AAK1: variants seen among roughly 807,000 people sequenced by gnomAD.
The protein encoded by AAK1 is AP2-associated protein kinase 1.
AAK1 carries 37 observed loss-of-function variants against 116.0 expected under a neutral mutation model. That is an observed-to-expected ratio of 0.32 (90% confidence interval 0.25 to 0.42). The LOEUF (loss-of-function observed/expected upper bound fraction) is 0.42. Among genes scored for constraint, AAK1 ranks in the 10% least tolerant of loss-of-function variants. AAK1 has a pLI of 1.00. For synonymous variants in AAK1, 458 were observed against 439.9 expected, an observed-to-expected ratio of 1.04 and a Z score of -0.51; for missense variants, 919 against 1,170.6, an observed-to-expected ratio of 0.79 and a Z score of 3.14.
chr2:69,623,354 C>T lies in AAK1; in HGVS notation c.163+19524G>A, dbSNP rs547779130. Among the ~76,000 whole-genome samples the T allele has an allele frequency of 5.9e-5, 9 of 152,348 alleles. No individual in the cohort carries two copies. In the South Asian group the frequency reaches 1.7e-3, roughly 28 times the overall value. ...TTACGACTGCCAAAATATTCCTAGT[C>T]TGCACTTCTCTCTGTTCCTGTCACC... On this transcript the variant is annotated intron_variant, in intron 2 of 21. Coordinates refer to ENST00000409085, the MANE Select transcript of AAK1 (RefSeq NM_014911.5).
chr2:69,619,890 G>A (rs1674514710), intron 2 of AAK1, among the ~76,000 whole-genome samples: 1 of 152,176 alleles, frequency 6.6e-6, no homozygotes, highest in Non-Finnish European at 1.5e-5. Flanking sequence ...AAATAAGAAT[G>A]CAGAGAGGAA....
chr2:69,532,291 T>A (rs887699416), intron 5 of AAK1, 129 bp from the exon 6 acceptor site: 50 of 1,130,070 alleles, frequency 4.4e-5, no homozygotes, highest in South Asian at 4.0e-4. Flanking sequence ...GGGAAGTTAT[T>A]CCTCTCCAAG....
chr2:69,503,335 T>C (rs1442200805), intron 16 of AAK1, among the ~76,000 whole-genome samples: 2 of 152,208 alleles, frequency 1.3e-5, no homozygotes, highest in African/African-American at 4.8e-5. Context: ...ATCAGTATAA[T>C]TAAAAAGATC....
intron 10 of AAK1, 88 bp from the exon 11 acceptor site, chr2:69,521,076 T>C (rs1572920108): frequency 1.4e-6 from 2 of 1,435,780 alleles, no homozygotes. Context: ...CGCTTCCACA[T>C]CGACCCAAAC....
At chr2:69,528,135 G>A (rs1410238943) in intron 8 of AAK1, among the ~76,000 whole-genome samples, 1 of 152,212 alleles carries the variant, frequency 6.6e-6, no homozygotes, top group East Asian at 1.9e-4. Context: ...TAAGAGAACA[G>A]TCTGAGCAAA....
chr2:69,618,949 AT>A (rs1393307229), intron 2 of AAK1, among the ~76,000 whole-genome samples: 1 of 151,536 alleles, frequency 6.6e-6, no homozygotes, highest in African/African-American at 2.4e-5. Flanking sequence ...TGACTCTTCC[AT>A]TTTCTTTCAA....
chr2:69,637,342 T>TA (rs1311528981), intron 2 of AAK1, among the ~76,000 whole-genome samples: 1 of 152,204 alleles, frequency 6.6e-6, no homozygotes, highest in East Asian at 1.9e-4. Context: ...TTTGCTCACA[T>TA]ATCTGAAATC....
chr2:69,484,664 C>T (rs1416100050), intron 17 of AAK1, among the ~76,000 whole-genome samples: 3 of 151,992 alleles, frequency 2.0e-5, no homozygotes, highest in Non-Finnish European at 4.4e-5. Flanking sequence ...TGTGGTAGTG[C>T]ATGCCTATAG....
At chr2:69,561,461 T>C (rs895190249) in intron 2 of AAK1, among the ~76,000 whole-genome samples, 2 of 152,226 alleles carry the variant, frequency 1.3e-5, no homozygotes, top group African/African-American at 4.8e-5. Context: ...CTGAATAAGG[T>C]AGGCGAGCAA....
intron 2 of AAK1, among the ~76,000 whole-genome samples, chr2:69,593,456 G>C (rs189471425): frequency 1.5e-4 from 23 of 151,598 alleles, no homozygotes; most frequent in African/African-American, 4.4e-4. Flanking sequence ...AAAAAAGCAG[G>C]CTTCATGTTC....
rs1266458421 is a variant in AAK1 at position 69,464,225 on chromosome 2, A to G, written c.*11644T>C. 1 of 152,120 alleles carries G rather than the reference A, an allele frequency of 6.6e-6. No homozygotes were observed. The highest frequency in any genetic ancestry group is 1.5e-5 in the Non-Finnish European group (1 of 68,036). The allele number at this position is 152,120 out of a possible 1,614,324, so 9.4% of individuals were successfully genotyped here. On this transcript the variant is annotated 3_prime_UTR_variant, in exon 22 of 22. Coordinates refer to ENST00000409085, the MANE Select transcript of AAK1 (RefSeq NM_014911.5). ...CAACAACAACAACAACAACAACAAC[A>G]AAACCACCCCAAAACAAGCAAGCCT...
chr2:69,513,527 G>A lies in AAK1; in HGVS notation c.1776+944C>T, dbSNP rs1270081572. 7.2e-5 allele frequency among the ~76,000 whole-genome samples: 11 copies of A among 152,208 alleles called. No individual in the cohort carries two copies. In the East Asian group the frequency reaches 9.7e-4, roughly 13 times the overall value. On this transcript the variant is annotated intron_variant, in intron 13 of 21. Coordinates refer to ENST00000409085, the MANE Select transcript of AAK1 (RefSeq NM_014911.5). ...TTTAGTAGAGACGTGGTTTCACCACGTTAGCCAGGATGGTCTCGATCTCCT... is the reference window on the plus strand; with the variant it reads ...TTTAGTAGAGACGTGGTTTCACCACATTAGCCAGGATGGTCTCGATCTCCT...
At chr2:69,509,177 G>A (rs556708889) in intron 14 of AAK1, 54 bp downstream of exon 14, 18 of 1,490,896 alleles carry the variant, frequency 1.2e-5, no homozygotes, top group Middle Eastern at 1.7e-4. Context: ...ACTAACAGCC[G>A]CAGGCAGACT....
At chr2:69,632,944 A>T (rs1472621972) in intron 2 of AAK1, among the ~76,000 whole-genome samples, 2 of 151,838 alleles carry the variant, frequency 1.3e-5, no homozygotes, top group Non-Finnish European at 2.9e-5. Context: ...GAGGCAGGAG[A>T]ATGGTGTGAA....
intron 2 of AAK1, among the ~76,000 whole-genome samples, chr2:69,619,613 G>C (rs1674496513): frequency 6.6e-6 from 1 of 152,118 alleles, no homozygotes; most frequent in South Asian, 2.1e-4. Context: ...CAGAGCCAAA[G>C]CAGGGAAGAG....
chr2:69,500,680 TATATATATATATATATATACAC>T (rs1675935424), intron 16 of AAK1, among the ~76,000 whole-genome samples: 1 of 102,578 alleles, frequency 9.7e-6, no homozygotes, highest in African/African-American at 4.8e-5. Flanking sequence ...TATATATATA[TATATATATATATATATATACAC>T]ACACACACAC....
rs931856844 is a variant in AAK1, at chr2:69,460,711, G to C, written c.*15158C>G. The C allele has an allele frequency of 9.2e-5, 14 of 152,204 alleles. No homozygotes were observed. The highest frequency in any genetic ancestry group is 3.4e-4 in the African/African-American group (14 of 41,436). The allele number at this position is 152,204 out of a possible 1,614,324, so 9.4% of individuals were successfully genotyped here. On this transcript the variant is annotated 3_prime_UTR_variant, in exon 22 of 22. Coordinates refer to ENST00000409085, the MANE Select transcript of AAK1 (RefSeq NM_014911.5). ...ACTCCCTGGGTGCTGCTCAGCAGCTGCTTCAGCATCAAATTGTGTTCATCC... is the reference window on the plus strand; with the variant it reads ...ACTCCCTGGGTGCTGCTCAGCAGCTCCTTCAGCATCAAATTGTGTTCATCC...
Position 69,478,992 on chromosome 2 carries a change from T to C in AAK1, c.2639A>G (p.Glu880Gly). 4 of 1,613,850 alleles carry C rather than the reference T, an allele frequency of 2.5e-6. No homozygotes were observed. The highest frequency in any genetic ancestry group is 3.4e-6 in the Non-Finnish European group (4 of 1,179,808). The change falls in exon 20 of 22, where the codon GAA becomes GGA. Residue 880 changes from glutamate to glycine, a missense_variant. Physicochemically the swap from Glu to Gly is moderately conservative, Grantham distance 98. This residue lies in a region of AAK1 where 263 missense variants were observed against 285.5 expected (regional missense o/e 0.92). Transcript: ENST00000409085. ...AGAGATTGCTGTGGGGGCAAACTCTTCCAGAAGGTCAGTAGTAGGGTTAGA... is the reference window on the plus strand; with the variant it reads ...AGAGATTGCTGTGGGGGCAAACTCTCCCAGAAGGTCAGTAGTAGGGTTAGA... ...LLSNPTTDLL[E>G]EFAPTAISAP...
intron 2 of AAK1, among the ~76,000 whole-genome samples, chr2:69,624,192 T>G (rs1249280429): frequency 1.3e-5 from 2 of 152,172 alleles, no homozygotes; most frequent in Admixed American, 1.3e-4. Flanking sequence ...AAAGGTAAAA[T>G]AAGCATATCT....
Sources: allele counts gnomAD v4.1 joint callset (sites outside exome capture counted in the v4.1 genomes callset), GRCh38; gene constraint gnomAD v4.1.1; regional missense constraint gnomAD v4.1.1; transcripts MANE v1.5; gene names NCBI Gene and HGNC (gene_info 2026-07-23, HGNC 2026-07-21).